Variants in KCNB2 observed in about 807,000 individuals in gnomAD.
KCNB2 encodes potassium voltage-gated channel subfamily B member 2.
A neutral mutation model predicts 61.5 loss-of-function variants in KCNB2; 15 were observed. That is an observed-to-expected ratio of 0.24 (90% confidence interval 0.16 to 0.38). KCNB2 has a LOEUF of 0.38. Ranked by LOEUF, KCNB2 falls within the 10% of genes least tolerant of loss-of-function variation. KCNB2 has a pLI of 1.00. For synonymous variants in KCNB2, 457 were observed against 446.0 expected (o/e 1.02, Z -0.31); for missense variants, 828 against 1,125.2 (o/e 0.74, Z 3.78).
At chr8:72,664,181 A>AC (rs1806427992) in intron 2 of KCNB2, among the ~76,000 whole-genome samples, 1 of 152,218 alleles carries the variant, frequency 6.6e-6, no homozygotes, top group Non-Finnish European at 1.5e-5. Flanking sequence ...TGTCCAGCGG[A>AC]TACCCTGTGT....
chr8:72,802,594 A>G (rs184607288), intron 2 of KCNB2, among the ~76,000 whole-genome samples: 2 of 152,232 alleles, frequency 1.3e-5, no homozygotes, highest in East Asian at 3.9e-4. Context: ...TCTTCCTTCC[A>G]TCACTTGTTT....
At chr8:72,604,646 A>G (rs1353376299) in intron 2 of KCNB2, among the ~76,000 whole-genome samples, 1 of 152,236 alleles carries the variant, frequency 6.6e-6, no homozygotes, top group East Asian at 1.9e-4. Flanking sequence ...CTAGTTGCTC[A>G]AAAAGATGTT....
At chr8:72,539,726 A>T (rs987555471) in intron 1 of KCNB2, among the ~76,000 whole-genome samples, 1 of 152,296 alleles carries the variant, frequency 6.6e-6, no homozygotes, top group South Asian at 2.1e-4. Flanking sequence ...AATAGAATCA[A>T]TCCATGCATC....
intron 2 of KCNB2, among the ~76,000 whole-genome samples, chr8:72,824,046 A>G (rs939133698): frequency 2.0e-5 from 3 of 152,152 alleles, no homozygotes; most frequent in Non-Finnish European, 4.4e-5. Flanking sequence ...TATGAGTAAT[A>G]TTGTTCTTGT....
intron 2 of KCNB2, among the ~76,000 whole-genome samples, chr8:72,678,317 C>G (rs1389483842): frequency 6.6e-6 from 1 of 152,168 alleles, no homozygotes; most frequent in Non-Finnish European, 1.5e-5. Context: ...AAAACATAGT[C>G]ACATTACCAC....
intron 2 of KCNB2, among the ~76,000 whole-genome samples, chr8:72,664,705 A>G (rs925142154): frequency 6.6e-6 from 1 of 152,228 alleles, no homozygotes; most frequent in Non-Finnish European, 1.5e-5. Flanking sequence ...ATGTAGCAGT[A>G]AGCAAAACAA....
At chr8:72,645,833 T>A (rs1453433074) in intron 2 of KCNB2, among the ~76,000 whole-genome samples, 2 of 152,194 alleles carry the variant, frequency 1.3e-5, no homozygotes, top group African/African-American at 4.8e-5. Context: ...GTATCTAAAT[T>A]TCTTCATTAG....
intron 1 of KCNB2, among the ~76,000 whole-genome samples, chr8:72,566,215 T>A (rs1806623174): frequency 1.3e-5 from 2 of 152,224 alleles, no homozygotes; most frequent in Non-Finnish European, 2.9e-5. Flanking sequence ...CTACTAGGAC[T>A]AACTAGGCTT....
chr8:72,576,433 G>T (rs1376947012), intron 2 of KCNB2, among the ~76,000 whole-genome samples: 2 of 152,196 alleles, frequency 1.3e-5, no homozygotes, highest in East Asian at 3.9e-4. Context: ...GGGAGATTAT[G>T]TGGCATAGTA....
In KCNB2 at chr8:72,937,781, C is replaced by A. The variant is rs1355800336; in HGVS notation, c.2426C>A (p.Thr809Asn). ...AGGAGGAGCTTCACTGAAATAGATA[C>A]TGGTGACGACGAAGACTTCTTAGAG... is the stretch of plus-strand genomic sequence containing the variant. ...RERRSFTEID[T>N]GDDEDFLELP... The change falls in exon 3 of 3, where the codon ACT (threonine) becomes AAT (asparagine). Residue 809 changes from threonine (T) to asparagine (N), a missense_variant. Around this residue, in one of 4 missense-constraint regions of KCNB2, gnomAD observed 559 missense variants for 588.4 expected, o/e 0.95. Coordinates refer to ENST00000523207, the MANE Select transcript of KCNB2 (RefSeq NM_004770.3). 6 of 1,613,814 alleles carry A rather than the reference C, an allele frequency of 3.7e-6. No homozygotes were observed. The Admixed American group carries it at 1.0e-4, about 27-fold the overall frequency.
intron 2 of KCNB2, among the ~76,000 whole-genome samples, chr8:72,607,343 A>G (rs1035842491): frequency 6.6e-6 from 1 of 152,150 alleles, no homozygotes; most frequent in Non-Finnish European, 1.5e-5. Flanking sequence ...ATCCTTCTCA[A>G]GAATGATTAC....
chr8:72,738,616 C>A (rs1039701711), intron 2 of KCNB2, among the ~76,000 whole-genome samples: 2 of 152,154 alleles, frequency 1.3e-5, no homozygotes, highest in Non-Finnish European at 2.9e-5. Context: ...CCTTGATGCC[C>A]TCTGCCAATC....
intron 2 of KCNB2, among the ~76,000 whole-genome samples, chr8:72,870,150 AG>A (rs1324804377): frequency 6.6e-6 from 1 of 152,218 alleles, no homozygotes; most frequent in East Asian, 1.9e-4. Context: ...TCACATTCAT[AG>A]AGCCAGAAAG....
At position 72,937,030 on chromosome 8, in the gene KCNB2, G is replaced by A; in HGVS notation, c.1675G>A (p.Asp559Asn). The A allele has an allele frequency of 6.2e-7, 1 of 1,614,092 alleles. No individual in the cohort carries two copies. Among genetic ancestry groups the A allele is most frequent in the African/African-American group, 1.3e-5 (1 of 75,022 alleles). The stretch of plus-strand genomic sequence containing the variant: ...ACAGCCTCATTCTCACCCAAACCCA[G>A]ACTGCCAAGAAAAGCCTGAGAGGCC... ...KTQPHSHPNP[D>N]CQEKPERPSA... Residue 559 changes from aspartate to asparagine, a missense_variant, in exon 3 of 3, where the codon GAC (aspartate) becomes AAC (asparagine). Transcript: ENST00000523207.
At chr8:72,918,120 A>G (rs13273799) in intron 2 of KCNB2, among the ~76,000 whole-genome samples, 73,399 of 152,030 alleles carry the variant, frequency 0.48, 18,775 homozygotes, top group Middle Eastern at 0.6. Flanking sequence ...CTTTCAGCCT[A>G]TTTCTACTGT....
chr8:72,665,177 G>A (rs1044561309), intron 2 of KCNB2, among the ~76,000 whole-genome samples: 1 of 152,188 alleles, frequency 6.6e-6, no homozygotes, highest in Non-Finnish European at 1.5e-5. Context: ...GCACTAATAG[G>A]ATGAAGAGGA....
At position 72,938,155 on chromosome 8, in the gene KCNB2, C is replaced by T. The variant is rs546890820; in HGVS notation, c.*64C>T. 3.1e-5 allele frequency: 42 copies of T among 1,360,538 alleles called. No individual in the cohort carries two copies. Among genetic ancestry groups the T allele is most frequent in the East Asian group, 1.2e-4 (5 of 43,374 alleles). The allele number at this position is 1,360,538 out of a possible 1,614,324, so 84.3% of individuals were successfully genotyped here. On this transcript the variant is annotated 3_prime_UTR_variant, in exon 3 of 3. Coordinates refer to ENST00000523207, the MANE Select transcript of KCNB2 (RefSeq NM_004770.3). Reference sequence around the variant, plus strand: ...AAACAAAACTTGTTTCTTAAAAATGCGGTTAATAATGCCTGTGAACTAAAA... The same window carrying T: ...AAACAAAACTTGTTTCTTAAAAATGTGGTTAATAATGCCTGTGAACTAAAA...
intron 2 of KCNB2, among the ~76,000 whole-genome samples, chr8:72,674,934 A>T (rs1201469047): frequency 1.3e-5 from 2 of 150,736 alleles, no homozygotes; most frequent in Non-Finnish European, 2.9e-5. Context: ...GTGTAAAAAT[A>T]AAAAAAGGTA....
intron 2 of KCNB2, among the ~76,000 whole-genome samples, chr8:72,726,362 A>G (rs1291418279): frequency 6.6e-6 from 1 of 152,234 alleles, no homozygotes; most frequent in African/African-American, 2.4e-5. Flanking sequence ...TTTAAGCCAC[A>G]CACTCTATGG....
Sources: gnomAD v4.1 joint callset for allele counts (sites outside exome capture counted in the v4.1 genomes callset) on GRCh38, gnomAD v4.1.1 for gene constraint, gnomAD v4.1.1 regional missense constraint, MANE v1.5 for transcripts, NCBI Gene and HGNC (gene_info 2026-07-23, HGNC 2026-07-21) for gene names.